The following CNTNAP2 variants were observed in gnomAD, a reference collection of about 807,000 sequenced individuals.
CNTNAP2 encodes contactin associated protein 2.
Under a neutral mutation model 155.2 loss-of-function variants are expected in CNTNAP2, and 98 were observed. The observed-to-expected ratio is 0.63, with a 90% CI of 0.54 to 0.75. CNTNAP2 has a LOEUF of 0.75. Among genes scored for constraint, CNTNAP2 ranks in the 30% least tolerant of loss-of-function variants. CNTNAP2 has a pLI of 0.00. For synonymous variants in CNTNAP2, 651 were observed against 631.2 expected (o/e 1.03, Z -0.47); for missense variants, 1,727 against 1,688.1 (o/e 1.02, Z -0.40).
At chr7:146,735,514 C>G (rs1439790171) in intron 1 of CNTNAP2, among the ~76,000 whole-genome samples, 1 of 152,090 alleles carries the variant, frequency 6.6e-6, no homozygotes, top group Non-Finnish European at 1.5e-5. Flanking sequence ...GAGATAGCGC[C>G]ACTGCACTCC....
rs536283733 is a variant in CNTNAP2 at position 147,509,045 on chromosome 7, C to T, written c.1777+23004C>T. Among the ~76,000 whole-genome samples, 6 of 152,218 alleles carry T rather than the reference C, an allele frequency of 3.9e-5. 1 individual carries two copies. In the South Asian group the frequency reaches 1.2e-3, roughly 32 times the overall value. On this transcript the variant is annotated intron_variant, in intron 11 of 23. Transcript: ENST00000361727. ...AGTTCCTGTCTTTGTATAGTTTAAC[C>T]TTTACCCAGTTCCCACTCAGCTGCA...
intron 1 of CNTNAP2, among the ~76,000 whole-genome samples, chr7:146,221,298 T>G (rs1799204929): frequency 6.6e-6 from 1 of 152,142 alleles, no homozygotes; most frequent in Non-Finnish European, 1.5e-5. Context: ...CAATATATAC[T>G]GCAACAATAT....
intron 4 of CNTNAP2, chr7:147,097,384 T>C (rs1213810068): frequency 6.6e-6 from 1 of 152,278 alleles, no homozygotes; most frequent in Non-Finnish European, 1.5e-5. Context: ...GATAAAGATG[T>C]ACCCAACACT....
chr7:147,259,926 G>T (rs888815996), intron 8 of CNTNAP2, among the ~76,000 whole-genome samples: 1 of 152,158 alleles, frequency 6.6e-6, no homozygotes, highest in Non-Finnish European at 1.5e-5. Context: ...AATTCTGAGA[G>T]TGTTTAGTGC....
chr7:147,494,753 A>G (rs1274633837), intron 11 of CNTNAP2, among the ~76,000 whole-genome samples: 1 of 151,684 alleles, frequency 6.6e-6, no homozygotes, highest in East Asian at 2.0e-4. Flanking sequence ...CTTTAATTTG[A>G]AGATAAGGAA....
At chr7:146,721,513 ACATT>A (rs1484721260) in intron 1 of CNTNAP2, among the ~76,000 whole-genome samples, 9 of 125,890 alleles carry the variant, frequency 7.1e-5, no homozygotes, top group Non-Finnish European at 1.6e-5. Flanking sequence ...TTCTATATAT[ACATT>A]CTATATATAT....
intron 13 of CNTNAP2, among the ~76,000 whole-genome samples, chr7:147,697,558 T>C (rs2116999974): frequency 6.6e-6 from 1 of 152,250 alleles, no homozygotes; most frequent in East Asian, 1.9e-4. Flanking sequence ...TTTATTAATA[T>C]AGTGATACGT....
chr7:148,277,210 A>G (rs1796885253), intron 21 of CNTNAP2, among the ~76,000 whole-genome samples: 1 of 152,148 alleles, frequency 6.6e-6, no homozygotes, highest in African/African-American at 2.4e-5. Flanking sequence ...TTGCATGGCC[A>G]GGCATCTGCT....
In CNTNAP2 at chr7:147,429,340, T is replaced by C. The variant is rs149144496; in HGVS notation, c.1670+33560T>C. Among the ~76,000 whole-genome samples the C allele has an allele frequency of 2.2e-4, 33 of 152,246 alleles. 1 individual carries two copies. Among genetic ancestry groups the C allele is most frequent in the African/African-American group, 7.7e-4 (32 of 41,560 alleles). On this transcript the variant is annotated intron_variant, in intron 10 of 23. Transcript: ENST00000361727. Reference sequence around the variant, plus strand: ...TGCATTTCCCTGATAATTAGTGATATTGAGCAAGTTTTCATATATTTGTTG... The same window carrying C: ...TGCATTTCCCTGATAATTAGTGATACTGAGCAAGTTTTCATATATTTGTTG...
chr7:146,803,041 A>G (rs1250905331), intron 2 of CNTNAP2, among the ~76,000 whole-genome samples: 1 of 152,192 alleles, frequency 6.6e-6, no homozygotes, highest in Non-Finnish European at 1.5e-5. Flanking sequence ...AAATAAATAA[A>G]TAAGTCTTAG....
rs565547620 is a variant in CNTNAP2 at position 148,370,877 on chromosome 7, G to A, written c.3476-12772G>A. Among the ~76,000 whole-genome samples, 380 of 152,224 alleles carry A rather than the reference G, an allele frequency of 2.5e-3. 2 individuals are homozygous for A. The highest frequency in any genetic ancestry group is 8.2e-3 in the African/African-American group (339 of 41,534). ...CTTTCCAACACCTGAAGGCAGTGAC[G>A]GTGTGCTTCTAGAGTCTTCTCTTCC... On this transcript the variant is annotated intron_variant, in intron 21 of 23. Coordinates refer to ENST00000361727, the MANE Select transcript of CNTNAP2 (RefSeq NM_014141.6).
chr7:146,811,535 A>G (rs112418876), intron 2 of CNTNAP2, among the ~76,000 whole-genome samples: 1,937 of 151,852 alleles, frequency 0.013, 36 homozygotes, highest in African/African-American at 0.041. Context: ...TTTCTTTGTT[A>G]GTCTAGCTAA....
chr7:147,776,265 G>GTTT (rs374384682), intron 13 of CNTNAP2, among the ~76,000 whole-genome samples: 15 of 135,350 alleles, frequency 1.1e-4, no homozygotes, highest in Admixed American at 7.5e-4. Context: ...CAATGGCTGG[G>GTTT]TTTTTTTTTT....
chr7:147,462,815 G>A (rs894927197), intron 10 of CNTNAP2, among the ~76,000 whole-genome samples: 1 of 152,144 alleles, frequency 6.6e-6, no homozygotes, highest in Non-Finnish European at 1.5e-5. Context: ...GTCTTGCTCT[G>A]TCACCCAGGC....
chr7:146,721,889 A>ATATATATATATTTTTTTTTTTT, intron 1 of CNTNAP2, among the ~76,000 whole-genome samples: 1 of 69,738 alleles, frequency 1.4e-5, no homozygotes, highest in African/African-American at 1.9e-4. Flanking sequence ...ATATATATAT[A>ATATATATATATTTTTTTTTTTT]TTTTTTTTTT....
chr7:146,660,826 A>G (rs1227089260), intron 1 of CNTNAP2, among the ~76,000 whole-genome samples: 1 of 152,110 alleles, frequency 6.6e-6, no homozygotes, highest in African/African-American at 2.4e-5. Context: ...CGTTAACTTC[A>G]CTCATCATTT....
chr7:147,340,218 C>T (rs963166467), intron 9 of CNTNAP2, among the ~76,000 whole-genome samples: 4 of 152,122 alleles, frequency 2.6e-5, no homozygotes, highest in African/African-American at 9.7e-5. Flanking sequence ...GGCAGCTTCC[C>T]TTACTCCTAA....
At chr7:147,509,186 T>C (rs561474279) in intron 11 of CNTNAP2, among the ~76,000 whole-genome samples, 2 of 152,190 alleles carry the variant, frequency 1.3e-5, no homozygotes, top group East Asian at 3.9e-4. Flanking sequence ...TCTCTTTGAT[T>C]GCAGGAAACA....
At position 146,250,056 on chromosome 7, in the gene CNTNAP2, T is replaced by C. The variant is rs114076837; in HGVS notation, c.97+133083T>C. ...CTAATCATTCTAGAACACCAGCTAT[T>C]AATCTGAAATTAAATCTATTACGTG... On this transcript the variant is annotated intron_variant, in intron 1 of 23. Transcript: ENST00000361727. 7.5e-3 allele frequency among the ~76,000 whole-genome samples: 1,142 copies of C among 152,270 alleles called. 16 individuals carry two copies. Among genetic ancestry groups the C allele is most frequent in the African/African-American group, 0.025 (1,044 of 41,552 alleles).
Sources: gnomAD v4.1 joint callset for allele counts (sites outside exome capture counted in the v4.1 genomes callset) on GRCh38, gnomAD v4.1.1 for gene constraint, MANE v1.5 for transcripts, NCBI Gene and HGNC (gene_info 2026-07-23, HGNC 2026-07-21) for gene names.